CLEC2B: variants seen among roughly 807,000 people sequenced by gnomAD.
The protein encoded by CLEC2B is C-type (calcium dependent, carbohydrate-recognition domain) lectin, superfamily member 2 (activation-induced).
In CLEC2B, 14 loss-of-function variants were observed where a neutral mutation model predicts 16.2. The ratio of observed to expected loss-of-function variants is 0.86; its 90% CI spans 0.57 to 1.35. CLEC2B has a LOEUF of 1.35. Ranked by LOEUF, CLEC2B falls within the 40% of genes most tolerant of loss-of-function variation. The pLI, the probability that CLEC2B is intolerant of heterozygous loss-of-function variation, is 0.00. For missense variants in CLEC2B, 166 were observed against 182.3 expected, an observed-to-expected ratio of 0.91 and a Z score of 0.52; for synonymous variants, 42 against 55.8, an observed-to-expected ratio of 0.75 and a Z score of 1.10.
At chr12:9,860,511 C>T (rs563172303) in intron 2 of CLEC2B, among the ~76,000 whole-genome samples, 60 of 151,746 alleles carry the variant, frequency 4.0e-4, no homozygotes, top group African/African-American at 1.3e-3. Context: ...GCAGAAATTA[C>T]GGAACACCGA....
intron 2 of CLEC2B, among the ~76,000 whole-genome samples, chr12:9,861,548 C>T (rs1233062511): frequency 6.6e-6 from 1 of 152,032 alleles, no homozygotes; most frequent in Non-Finnish European, 1.5e-5. Flanking sequence ...CTTCTTATAT[C>T]TCAAGTTATT....
chr12:9,866,242 G>A (rs531890032), intron 1 of CLEC2B, among the ~76,000 whole-genome samples: 9 of 151,994 alleles, frequency 5.9e-5, no homozygotes, highest in East Asian at 5.8e-4. Flanking sequence ...CTCAGGTATC[G>A]AAAAGACAGG....
chr12:9,857,743 AT>A, intron 2 of CLEC2B, 106 bp from the exon 3 acceptor site: 7 of 882,020 alleles, frequency 7.9e-6, no homozygotes, highest in South Asian at 3.2e-5. Context: ...TATGGTCACT[AT>A]GAAAGTTGTA....
At chr12:9,862,412 A>T (rs1485567920) in intron 2 of CLEC2B, 87 bp downstream of exon 2, 1 of 1,165,450 alleles carries the variant, frequency 8.6e-7, no homozygotes, top group African/African-American at 1.7e-5. Flanking sequence ...AGATAATGAG[A>T]TACTGAGAAA....
chr12:9,860,192 C>T (rs1443110114), intron 2 of CLEC2B, among the ~76,000 whole-genome samples: 1 of 151,370 alleles, frequency 6.6e-6, no homozygotes, highest in East Asian at 1.9e-4. Context: ...CATAAGGTTT[C>T]CAACAGAATA....
intron 1 of CLEC2B, among the ~76,000 whole-genome samples, chr12:9,868,552 C>A (rs539361504): frequency 6.6e-6 from 1 of 152,182 alleles, no homozygotes; most frequent in East Asian, 1.9e-4. Context: ...TTTTCTCTTT[C>A]AAATATTTTG....
intron 2 of CLEC2B, among the ~76,000 whole-genome samples, chr12:9,860,758 T>C (rs1867927112): frequency 6.6e-6 from 1 of 151,854 alleles, no homozygotes; most frequent in South Asian, 2.1e-4. Context: ...GATACAAAGA[T>C]AGATAAAATA....
intron 2 of CLEC2B, among the ~76,000 whole-genome samples, chr12:9,859,897 C>T (rs554392035): frequency 6.6e-6 from 1 of 151,622 alleles, no homozygotes; most frequent in South Asian, 2.1e-4. Context: ...TATCTTATCT[C>T]AATATTACAA....
intron 2 of CLEC2B, among the ~76,000 whole-genome samples, chr12:9,861,304 A>C (rs1481512992): frequency 1.3e-5 from 2 of 152,088 alleles, no homozygotes; most frequent in African/African-American, 4.8e-5. Flanking sequence ...TTACACCTAA[A>C]TAAACAACAA....
rs543706214 is a variant in CLEC2B, at chr12:9,860,525, A to C, written c.73+1974T>G. Among the ~76,000 whole-genome samples, 10 of 151,936 alleles carry C rather than the reference A, an allele frequency of 6.6e-5. No individual in the cohort carries two copies. The East Asian group carries it at 1.9e-3, about 29-fold the overall frequency. On this transcript the variant is annotated intron_variant, in intron 2 of 4. Transcript: ENST00000228438. Reference sequence around the variant, plus strand: ...GGCAGAAATTACGGAACACCGAATCAATATTTTAAATGTATGATTCAATAT... The same window carrying C: ...GGCAGAAATTACGGAACACCGAATCCATATTTTAAATGTATGATTCAATAT...
In CLEC2B at chr12:9,853,259, TA is replaced by T; in HGVS notation, c.*40del. The T allele has an allele frequency of 6.9e-7, 1 of 1,443,558 alleles. No homozygotes were observed. The highest frequency in any genetic ancestry group is 1.7e-4 in the Middle Eastern group (1 of 5,736). The allele number at this position is 1,443,558 out of a possible 1,614,324, so 89.4% of individuals were successfully genotyped here. A position where few individuals can be genotyped will look rare whatever the true frequency, so the allele number is the denominator to read the frequency against. ...AGTACTTTGCTGGTTTTACACTTAA[TA>T]ATGTTATTTTCTATTTTCCCCATTA... On this transcript the variant is annotated 3_prime_UTR_variant, in exon 5 of 5. Transcript: ENST00000228438.
At position 9,853,485 on chromosome 12, in the gene CLEC2B, A is replaced by G. The variant is rs1178246500; in HGVS notation, c.342-77T>C. 2.3e-5 allele frequency: 26 copies of G among 1,131,666 alleles called. No homozygotes were observed. The South Asian group carries it at 2.5e-4, about 11-fold the overall frequency. The allele number at this position is 1,131,666 out of a possible 1,614,324, so 70.1% of individuals were successfully genotyped here. ...ATGGACACCTTTAAACAAAAATTCT[A>G]CTTGTCTAAAGTGCTGCAAGGTGTA... is the stretch of plus-strand genomic sequence containing the variant. On this transcript the variant is annotated intron_variant, in intron 4 of 4. Coordinates refer to ENST00000228438, the MANE Select transcript of CLEC2B (RefSeq NM_005127.3).
intron 1 of CLEC2B, among the ~76,000 whole-genome samples, chr12:9,862,849 A>G (rs1442932147): frequency 6.6e-6 from 1 of 152,278 alleles, no homozygotes; most frequent in African/African-American, 2.4e-5. Flanking sequence ...ACCCAAGGGC[A>G]TGGAAACATC....
chr12:9,858,447 A>C (rs1867910499), intron 2 of CLEC2B, among the ~76,000 whole-genome samples: 1 of 152,040 alleles, frequency 6.6e-6, no homozygotes, highest in Non-Finnish European at 1.5e-5. Flanking sequence ...TTTGGAACAC[A>C]CCCAGACTGA....
At position 9,853,159 on chromosome 12, in the gene CLEC2B, G is replaced by T. The variant is rs778578195; in HGVS notation, c.*141C>A. On this transcript the variant is annotated 3_prime_UTR_variant, in exon 5 of 5. Transcript: ENST00000228438. ...CCATTTTTTGCCAATCTTTGAAGTG[G>T]CTTTTATGTGTAGCCTGACACGTAA... The T allele has an allele frequency of 2.4e-5, 15 of 630,286 alleles. No homozygotes were observed. The highest frequency in any genetic ancestry group is 4.2e-5 in the Non-Finnish European group (15 of 361,334). 39.0% of individuals were successfully genotyped at this position (630,286 alleles called of 1,614,324 possible). A position where few individuals can be genotyped will look rare whatever the true frequency, so the allele number is the denominator to read the frequency against.
intron 2 of CLEC2B, among the ~76,000 whole-genome samples, chr12:9,862,092 G>C (rs1431664421): frequency 1.3e-5 from 2 of 151,806 alleles, no homozygotes; most frequent in East Asian, 3.9e-4. Context: ...TTGAATAAAA[G>C]GGAAAAGATA....
At chr12:9,856,142 T>C (rs1296234916) in intron 3 of CLEC2B, among the ~76,000 whole-genome samples, 1 of 152,162 alleles carries the variant, frequency 6.6e-6, no homozygotes, top group Non-Finnish European at 1.5e-5. Context: ...TCACATTCCA[T>C]GATCCTCACT....
chr12:9,859,133 C>T (rs1049308604), intron 2 of CLEC2B, among the ~76,000 whole-genome samples: 1 of 151,916 alleles, frequency 6.6e-6, no homozygotes, highest in Admixed American at 6.6e-5. Flanking sequence ...GACACAGCAA[C>T]TCCCTTAAAG....
In CLEC2B at chr12:9,857,570, A is replaced by C; in HGVS notation, c.141T>G (p.Tyr47Ter). 6.2e-7 allele frequency: 1 copy of C among 1,611,320 alleles called. No individual in the cohort carries two copies. Among genetic ancestry groups the C allele is most frequent in the Non-Finnish European group, 8.5e-7 (1 of 1,177,950 alleles). ...AATCTCCTTCTTCTTTAGAGAAATA[A>C]TAGCATTTGTTTTGGAAACCAATCC... Reference protein sequence around the residue: ...YDWIGFQNKCYYFSKEEGDWN... With the variant: ...YDWIGFQNKC Residue 47 changes from tyrosine (Y) to a stop codon, truncating the protein, a stop_gained, in exon 3 of 5, where the codon TAT (tyrosine) becomes TAG (stop). Coordinates refer to ENST00000228438, the MANE Select transcript of CLEC2B (RefSeq NM_005127.3). LOFTEE classifies it high-confidence loss of function.
Sources: allele counts gnomAD v4.1 joint callset (sites outside exome capture counted in the v4.1 genomes callset), GRCh38; gene constraint gnomAD v4.1.1; transcripts MANE v1.5; gene names NCBI Gene and HGNC (gene_info 2026-07-23, HGNC 2026-07-21).